KHDRBS2: variants seen among roughly 807,000 people sequenced by gnomAD.
KHDRBS2 encodes KH RNA binding domain containing, signal transduction associated 2.
In KHDRBS2, 26 loss-of-function variants were observed where a neutral mutation model predicts 44.3. The observed-to-expected ratio is 0.59, with a 90% CI of 0.43 to 0.81. The LOEUF is 0.81. Among genes scored for constraint, KHDRBS2 ranks in the 40% least tolerant of loss-of-function variants. KHDRBS2 has a pLI of 0.00. For missense variants in KHDRBS2, 476 were observed against 433.1 expected, an observed-to-expected ratio of 1.10 and a Z score of -0.88; for synonymous variants, 194 against 151.1, an observed-to-expected ratio of 1.28 and a Z score of -2.08.
At chr6:61,720,038 T>C (rs1772136938) in intron 7 of KHDRBS2, among the ~76,000 whole-genome samples, 1 of 152,064 alleles carries the variant, frequency 6.6e-6, no homozygotes, top group East Asian at 1.9e-4. Flanking sequence ...GTTTGGTTTT[T>C]TGTTCTTGCG....
intron 1 of KHDRBS2, among the ~76,000 whole-genome samples, chr6:62,278,977 C>T (rs547078850): frequency 6.6e-6 from 1 of 152,210 alleles, no homozygotes; most frequent in East Asian, 1.9e-4. Flanking sequence ...GCCTGTAGTC[C>T]CAGCTACTCA....
At chr6:61,912,813 A>C (rs1265975205) in intron 4 of KHDRBS2, among the ~76,000 whole-genome samples, 2 of 152,200 alleles carry the variant, frequency 1.3e-5, no homozygotes, top group Non-Finnish European at 2.9e-5. Flanking sequence ...GAAAGGATTT[A>C]CGGCAAAGAA....
chr6:61,987,165 G>A (rs1357657231), intron 3 of KHDRBS2, among the ~76,000 whole-genome samples: 3 of 152,080 alleles, frequency 2.0e-5, no homozygotes, highest in Non-Finnish European at 2.9e-5. Context: ...TTCAGCCTTC[G>A]AATTCCTCAC....
At chr6:61,593,690 G>A in the KHDRBS2 span, among the ~76,000 whole-genome samples, 1 of 151,938 alleles carries the variant, frequency 6.6e-6, no homozygotes, top group Non-Finnish European at 1.5e-5. Flanking sequence ...AAGGACTTTT[G>A]AATTAGACTT....
At chr6:62,137,388 C>A (rs1240590916) in intron 2 of KHDRBS2, among the ~76,000 whole-genome samples, 1 of 152,138 alleles carries the variant, frequency 6.6e-6, no homozygotes, top group Admixed American at 6.5e-5. Flanking sequence ...ACATGCCAGA[C>A]ATCTGGGATA....
the KHDRBS2 span, among the ~76,000 whole-genome samples, chr6:61,599,725 A>C: frequency 2.6e-5 from 4 of 152,206 alleles, no homozygotes; most frequent in East Asian, 5.8e-4. Context: ...TTATAAAGAC[A>C]AACTCCTGTG....
intron 6 of KHDRBS2, among the ~76,000 whole-genome samples, chr6:61,838,398 A>G (rs555878750): frequency 6.4e-4 from 98 of 152,138 alleles, no homozygotes; most frequent in Non-Finnish European, 1.0e-3. Flanking sequence ...ATCAAAATGA[A>G]GAACACGCTA....
At chr6:62,113,217 C>A (rs556967614) in intron 2 of KHDRBS2, among the ~76,000 whole-genome samples, 13 of 152,146 alleles carry the variant, frequency 8.5e-5, no homozygotes, top group African/African-American at 3.1e-4. Flanking sequence ...CATATTATGT[C>A]CCATATTCAG....
intron 4 of KHDRBS2, among the ~76,000 whole-genome samples, chr6:61,905,999 C>G (rs1379802291): frequency 2.6e-5 from 4 of 151,738 alleles, no homozygotes; most frequent in Admixed American, 6.6e-5. Flanking sequence ...CGGTGCCCAC[C>G]ACCACGCCTG....
At chr6:61,632,554 C>T in the KHDRBS2 span, among the ~76,000 whole-genome samples, 1 of 152,094 alleles carries the variant, frequency 6.6e-6, no homozygotes, top group Non-Finnish European at 1.5e-5. Context: ...AGTAAAAGTT[C>T]ATATGAAATT....
At chr6:62,173,378 T>C (rs1234922874) in intron 2 of KHDRBS2, among the ~76,000 whole-genome samples, 1 of 151,826 alleles carries the variant, frequency 6.6e-6, no homozygotes, top group East Asian at 1.9e-4. Context: ...CCTCCCAAGA[T>C]AGAACAAGGG....
At chr6:62,067,789 G>T (rs1794091873) in intron 2 of KHDRBS2, among the ~76,000 whole-genome samples, 1 of 151,414 alleles carries the variant, frequency 6.6e-6, no homozygotes, top group South Asian at 2.1e-4. Context: ...CTATACATTT[G>T]CTTAGTTTTA....
intron 6 of KHDRBS2, among the ~76,000 whole-genome samples, chr6:61,763,928 C>A (rs190572941): frequency 1.1e-3 from 166 of 152,238 alleles, no homozygotes; most frequent in African/African-American, 3.9e-3. Flanking sequence ...CACCCATCAC[C>A]TAGTTATTAA....
chr6:61,883,303 A>T (rs1800466744), intron 6 of KHDRBS2, among the ~76,000 whole-genome samples: 2 of 152,054 alleles, frequency 1.3e-5, no homozygotes, highest in African/African-American at 2.4e-5. Flanking sequence ...CACAAATTGC[A>T]TAAAGATCAC....
chr6:61,867,696 C>T (rs191136303), intron 6 of KHDRBS2, among the ~76,000 whole-genome samples: 15 of 152,306 alleles, frequency 9.8e-5, no homozygotes, highest in Non-Finnish European at 1.9e-4. Flanking sequence ...GTCCACTCTT[C>T]CATAGGGCTG....
At chr6:61,591,241 A>G in the KHDRBS2 span, among the ~76,000 whole-genome samples, 10 of 152,324 alleles carry the variant, frequency 6.6e-5, no homozygotes, top group South Asian at 4.1e-4. Flanking sequence ...TTGCACCACA[A>G]TGAAAAACTA....
chr6:61,848,696 A>G (rs1263360105), intron 6 of KHDRBS2, among the ~76,000 whole-genome samples: 1 of 147,030 alleles, frequency 6.8e-6, no homozygotes. Flanking sequence ...GGTCACTGAA[A>G]CCTTAAATCA....
chr6:61,993,675 T>TATATATATATATATATATATATATATA (rs61137285), intron 3 of KHDRBS2, among the ~76,000 whole-genome samples: 7 of 74,950 alleles, frequency 9.3e-5, no homozygotes, highest in Admixed American at 1.8e-4. Flanking sequence ...ATATATATAT[T>TATATATATATATATATATATATATATA]TTTTTTTTTT....
the KHDRBS2 span, among the ~76,000 whole-genome samples, chr6:61,574,833 C>A: frequency 6.6e-6 from 1 of 151,990 alleles, no homozygotes; most frequent in Admixed American, 6.6e-5. Flanking sequence ...TGCTGGAACT[C>A]AGAAATGGAG....
Sources: gnomAD v4.1 joint callset for allele counts (sites outside exome capture counted in the v4.1 genomes callset) on GRCh38, gnomAD v4.1.1 for gene constraint, MANE v1.5 for transcripts, NCBI Gene and HGNC (gene_info 2026-07-23, HGNC 2026-07-21) for gene names.